Variants in GYG2 observed in about 807,000 individuals in gnomAD.
The protein encoded by GYG2 is glycogenin-2.
GYG2 carries 29 observed loss-of-function variants against 29.4 expected under a neutral mutation model. The observed-to-expected ratio is 0.99, with a 90% CI of 0.74 to 1.35. The LOEUF (loss-of-function observed/expected upper bound fraction) is 1.35, where lower values mean the gene tolerates loss of function less well. Ranked by LOEUF, GYG2 falls within the 40% of genes most tolerant of loss-of-function variation. The pLI is 0.00. For missense variants in GYG2, 370 were observed against 385.7 expected, an observed-to-expected ratio of 0.96 and a Z score of 0.34; for synonymous variants, 167 against 172.3, an observed-to-expected ratio of 0.97 and a Z score of 0.24.
At position 2,831,358 on chromosome X, in the gene GYG2, G is replaced by C. The variant is rs5939349; in HGVS notation, c.7+1163G>C. Among the ~76,000 whole-genome samples the C allele has an allele frequency of 6.2e-3, 697 of 112,139 alleles. 11 individuals carry two copies. The highest frequency in any genetic ancestry group is 0.022 in the African/African-American group (665 of 30,871). On this transcript the variant is annotated intron_variant, in intron 2 of 10. Coordinates refer to ENST00000398806, the MANE Select transcript of GYG2 (RefSeq NM_001079855.2). The stretch of plus-strand genomic sequence containing the variant: ...TGGGATTACAGGCACGAGCCACCAC[G>C]CCTGGCCATGAGTGCAATTTAAAAC...
At chrX:2,868,493 C>A (rs1179251292) in intron 8 of GYG2, among the ~76,000 whole-genome samples, 2 of 109,006 alleles carry the variant, frequency 1.8e-5, no homozygotes, top group Admixed American at 2.0e-4. Context: ...TTTGGAGTTC[C>A]TGTGTCCACA....
intron 2 of GYG2, among the ~76,000 whole-genome samples, chrX:2,840,588 T>C (rs1342556222): frequency 8.9e-6 from 1 of 111,965 alleles, no homozygotes; most frequent in African/African-American, 3.2e-5. Flanking sequence ...AGATAATTTA[T>C]AATCTATAGA....
intron 3 of GYG2, among the ~76,000 whole-genome samples, chrX:2,848,362 A>G (rs1244790445): frequency 9.0e-6 from 1 of 110,574 alleles, no homozygotes; most frequent in Admixed American, 9.7e-5. Context: ...AACATGGTGA[A>G]ACCCCGTCTT....
intron 8 of GYG2, among the ~76,000 whole-genome samples, chrX:2,867,775 A>G (rs2088333385): frequency 8.9e-6 from 1 of 112,502 alleles, no homozygotes; most frequent in Non-Finnish European, 1.9e-5. Flanking sequence ...CAACAAACCC[A>G]TCGTAAACTG....
intron 9 of GYG2, among the ~76,000 whole-genome samples, chrX:2,876,228 T>C (rs181932951): frequency 2.2e-3 from 247 of 110,422 alleles, no homozygotes; most frequent in Non-Finnish European, 3.6e-3. Flanking sequence ...AAGAAAAAGA[T>C]ACAGCGTCTA....
chrX:2,849,419 A>G (rs2087818328), intron 3 of GYG2, among the ~76,000 whole-genome samples: 2 of 111,967 alleles, frequency 1.8e-5, no homozygotes, highest in South Asian at 7.5e-4. Flanking sequence ...CGAGAGCTTC[A>G]ATATCTGTCA....
At chrX:2,862,615 A>G (rs1310537688) in intron 8 of GYG2, among the ~76,000 whole-genome samples, 1 of 111,860 alleles carries the variant, frequency 8.9e-6, no homozygotes, top group Non-Finnish European at 1.9e-5. Flanking sequence ...TGACCTGCAC[A>G]GTGGTGTCTG....
At chrX:2,876,033 CTTTTTTTTTTTTTT>C (rs59937896) in intron 9 of GYG2, 119 bp downstream of exon 9, 13 of 186,493 alleles carry the variant, frequency 7.0e-5, no homozygotes, top group South Asian at 3.7e-4. Context: ...AAATTCCTCC[CTTTTTTTTTTTTTT>C]TTTTTTTTTT....
intron 7 of GYG2, among the ~76,000 whole-genome samples, chrX:2,860,724 G>A (rs1445440178): frequency 9.8e-6 from 1 of 102,432 alleles, no homozygotes; most frequent in African/African-American, 3.7e-5. Context: ...GAAAACTAGA[G>A]TTTTGTTTGT....
At position 2,835,032 on chromosome X, in the gene GYG2, G is replaced by A. The variant is rs766704542; in HGVS notation, c.7+4837G>A. Among the ~76,000 whole-genome samples, 491 of 111,307 alleles carry A rather than the reference G, an allele frequency of 4.4e-3. 4 individuals carry two copies. Among genetic ancestry groups the A allele is most frequent in the African/African-American group, 0.014 (427 of 30,130 alleles). ...CACATTTCAGAGACATGAGACATCAGTCAATACATGTAAGATACACATTGC... is the reference window on the plus strand; with the variant it reads ...CACATTTCAGAGACATGAGACATCAATCAATACATGTAAGATACACATTGC... On this transcript the variant is annotated intron_variant, in intron 2 of 10. Transcript: ENST00000398806.
intron 8 of GYG2, among the ~76,000 whole-genome samples, chrX:2,862,634 G>C (rs2088196736): frequency 1.8e-5 from 2 of 111,688 alleles, no homozygotes; most frequent in South Asian, 7.6e-4. Flanking sequence ...TGCTGAGGCC[G>C]AGTCTGCAGC....
At position 2,834,874 on chromosome X, in the gene GYG2, C is replaced by A. The variant is rs760603131; in HGVS notation, c.7+4679C>A. Among the ~76,000 whole-genome samples the A allele has an allele frequency of 2.3e-3, 262 of 111,959 alleles. 1 individual carries two copies. Among genetic ancestry groups the A allele is most frequent in the African/African-American group, 7.9e-3 (243 of 30,807 alleles). ...GAAGCTGTGAATGGGACCTGTGAAC[C>A]CAAAAGTATCTGAGACAGGTCTCAA... On this transcript the variant is annotated intron_variant, in intron 2 of 10. Transcript: ENST00000398806.
chrX:2,867,627 C>T (rs2088329876), intron 8 of GYG2, among the ~76,000 whole-genome samples: 1 of 111,235 alleles, frequency 9.0e-6, no homozygotes. Context: ...GTGTAGACGA[C>T]TGCGAGACAT....
chrX:2,840,499 A>G (rs1180786866), intron 2 of GYG2, among the ~76,000 whole-genome samples: 2 of 112,257 alleles, frequency 1.8e-5, no homozygotes, highest in Non-Finnish European at 3.8e-5. Context: ...GGAAATGTCT[A>G]AAGAAGTAGT....
intron 10 of GYG2, among the ~76,000 whole-genome samples, chrX:2,878,778 C>A (rs1186614616): frequency 1.8e-5 from 2 of 112,316 alleles, no homozygotes; most frequent in Non-Finnish European, 3.8e-5. Flanking sequence ...TCTAGGGGAA[C>A]TTTATTTAGT....
chrX:2,850,740 C>A (rs1051451337), intron 3 of GYG2, among the ~76,000 whole-genome samples: 1 of 110,909 alleles, frequency 9.0e-6, no homozygotes, highest in Non-Finnish European at 1.9e-5. Flanking sequence ...TTTCGACCCC[C>A]ACTCCTGCCC....
At chrX:2,835,339 G>C (rs1451529201) in intron 2 of GYG2, among the ~76,000 whole-genome samples, 3 of 111,446 alleles carry the variant, frequency 2.7e-5, no homozygotes, top group Non-Finnish European at 5.6e-5. Context: ...CCAAAATGGA[G>C]GAGGTTATGA....
intron 3 of GYG2, among the ~76,000 whole-genome samples, chrX:2,846,967 T>A (rs1329236433): frequency 9.0e-6 from 1 of 111,648 alleles, no homozygotes; most frequent in Non-Finnish European, 1.9e-5. Flanking sequence ...AACCTTTTGT[T>A]TGACAATAAC....
At chrX:2,836,743 C>T (rs1375627936) in intron 2 of GYG2, among the ~76,000 whole-genome samples, 1 of 107,702 alleles carries the variant, frequency 9.3e-6, no homozygotes, top group Non-Finnish European at 1.9e-5. Flanking sequence ...GAGGCTGAGG[C>T]GGGTAGATTG....
Sources: gnomAD v4.1 joint callset for allele counts (sites outside exome capture counted in the v4.1 genomes callset) on GRCh38, gnomAD v4.1.1 for gene constraint, MANE v1.5 for transcripts, NCBI Gene and HGNC (gene_info 2026-07-23, HGNC 2026-07-21) for gene names.